The following PDZD8 variants were observed in gnomAD, a reference collection of about 807,000 sequenced individuals.
PDZD8 encodes PDZ domain containing 8.
Under a neutral mutation model 85.8 loss-of-function variants are expected in PDZD8, and 14 were observed. The ratio of observed to expected loss-of-function variants is 0.16; its 90% CI spans 0.11 to 0.26. The LOEUF (loss-of-function observed/expected upper bound fraction) is 0.26. Ranked by LOEUF, PDZD8 falls within the 10% of genes least tolerant of loss-of-function variation. The pLI is 1.00. For missense variants in PDZD8, 1,197 were observed against 1,424.3 expected (o/e 0.84, Z 2.57); for synonymous variants, 592 against 568.6 (o/e 1.04, Z -0.59).
At chr10:117,294,242 A>G (rs1246379185) in intron 3 of PDZD8, among the ~76,000 whole-genome samples, 1 of 152,064 alleles carries the variant, frequency 6.6e-6, no homozygotes, top group African/African-American at 2.4e-5. Context: ...AATGACCAAT[A>G]AAACTGGTAA....
intron 1 of PDZD8, among the ~76,000 whole-genome samples, chr10:117,368,187 G>A (rs950631882): frequency 6.6e-6 from 1 of 152,126 alleles, no homozygotes; most frequent in Non-Finnish European, 1.5e-5. Flanking sequence ...ACTTACTGAA[G>A]ATAAATGACT....
In PDZD8 at chr10:117,280,802, A is replaced by T. The variant is rs1844564714; in HGVS notation, c.*2466T>A. The T allele has an allele frequency of 6.6e-6, 1 of 152,222 alleles. No homozygotes were observed. Among genetic ancestry groups the T allele is most frequent in the Non-Finnish European group, 1.5e-5 (1 of 68,036 alleles). 9.4% of individuals were successfully genotyped at this position (152,222 alleles called of 1,614,324 possible). A position where few individuals can be genotyped will look rare whatever the true frequency, so the allele number is the denominator to read the frequency against. On this transcript the variant is annotated 3_prime_UTR_variant, in exon 5 of 5. Transcript: ENST00000334464. ...TTAAATACTTTTAAAACATGAGTAG[A>T]TTCTTATAAAACCAAAGTTTTGCAT...
intron 3 of PDZD8, among the ~76,000 whole-genome samples, chr10:117,306,098 A>AC (rs1218549220): frequency 2.0e-5 from 3 of 151,790 alleles, no homozygotes; most frequent in African/African-American, 7.3e-5. Flanking sequence ...AATACAAGTG[A>AC]CCCCCCTCAA....
chr10:117,354,019 A>C (rs372157248), intron 1 of PDZD8, among the ~76,000 whole-genome samples: 19 of 152,192 alleles, frequency 1.2e-4, no homozygotes, highest in East Asian at 5.8e-4. Flanking sequence ...TCTTACTGGC[A>C]CCACCAATTT....
At chr10:117,317,645 A>C (rs1844154196) in intron 3 of PDZD8, among the ~76,000 whole-genome samples, 1 of 152,198 alleles carries the variant, frequency 6.6e-6, no homozygotes, top group Non-Finnish European at 1.5e-5. Flanking sequence ...GTAAACGCAA[A>C]AATTTAGCTG....
chr10:117,310,298 T>C (rs561553960), intron 3 of PDZD8, among the ~76,000 whole-genome samples: 12 of 152,276 alleles, frequency 7.9e-5, no homozygotes, highest in African/African-American at 2.4e-4. Flanking sequence ...TTCTCCCTCA[T>C]TGGAACCTCA....
chr10:117,284,976 G>A lies in PDZD8; in HGVS notation c.1757C>T (p.Ala586Val), dbSNP rs762585623. 2.1e-5 allele frequency: 34 copies of A among 1,614,002 alleles called. No homozygotes were observed. The highest frequency in any genetic ancestry group is 2.6e-5 in the Non-Finnish European group (31 of 1,180,024). Residue 586 changes from alanine (A) to valine (V), a missense_variant, in exon 5 of 5, where the codon GCT (alanine) becomes GTT (valine). Around this residue, in one of 4 missense-constraint regions of PDZD8, gnomAD observed 263 missense variants for 261.9 expected, o/e 1.00. Transcript: ENST00000334464. ...TCGTGGTGGCACAGGTGGTTTGAAAGCAGATCCTTGGGTTGGTTTTGACAC... is the reference window on the plus strand; with the variant it reads ...TCGTGGTGGCACAGGTGGTTTGAAAACAGATCCTTGGGTTGGTTTTGACAC... ...AQVSKPTQGS[A>V]FKPPVPPRPQ...
At chr10:117,347,625 T>G (rs915019871) in intron 1 of PDZD8, among the ~76,000 whole-genome samples, 1 of 146,540 alleles carries the variant, frequency 6.8e-6, no homozygotes, top group Non-Finnish European at 1.5e-5. Context: ...TTTTACAGAG[T>G]TTGACTCTTT....
At chr10:117,350,009 C>CAGAGGTAACACCACTATTATTAGT (rs1844776129) in intron 1 of PDZD8, among the ~76,000 whole-genome samples, 1 of 152,062 alleles carries the variant, frequency 6.6e-6, no homozygotes, top group African/African-American at 2.4e-5. Flanking sequence ...TTTAGTAATA[C>CAGAGGTAACACCACTATTATTAGT]AGAGGTAACA....
chr10:117,347,632 CTT>C (rs1357424365), intron 1 of PDZD8, among the ~76,000 whole-genome samples: 2 of 143,558 alleles, frequency 1.4e-5, no homozygotes, highest in African/African-American at 2.7e-5. Flanking sequence ...GAGTTTGACT[CTT>C]TTTGTGGACA....
chr10:117,355,575 A>G (rs1327604163), intron 1 of PDZD8, among the ~76,000 whole-genome samples: 1 of 152,208 alleles, frequency 6.6e-6, no homozygotes, highest in African/African-American at 2.4e-5. Flanking sequence ...TATAACCTTG[A>G]GCAAACTTCT....
intron 2 of PDZD8, among the ~76,000 whole-genome samples, chr10:117,325,682 C>T (rs1262174730): frequency 6.6e-6 from 1 of 152,124 alleles, no homozygotes; most frequent in African/African-American, 2.4e-5. Context: ...AGATTACAGG[C>T]ATGAGCCACC....
At chr10:117,370,918 T>TTGTGTGTGTG (rs71475194) in intron 1 of PDZD8, among the ~76,000 whole-genome samples, 2,650 of 146,424 alleles carry the variant, frequency 0.018, 54 homozygotes, top group East Asian at 0.06. Flanking sequence ...ACAACATAGT[T>TTGTGTGTGTG]TGTGTGTGTG....
At position 117,356,319 on chromosome 10, in the gene PDZD8, A is replaced by T. The variant is rs573588095; in HGVS notation, c.873-15217T>A. ...GTGACATAAAAAAAGAAAAATAAGA[A>T]AAATTTAAAAAGGTAAAACTCAATT... is the stretch of plus-strand genomic sequence containing the variant. On this transcript the variant is annotated intron_variant, in intron 1 of 4. Coordinates refer to ENST00000334464, the MANE Select transcript of PDZD8 (RefSeq NM_173791.5). Among the ~76,000 whole-genome samples, 10 of 152,332 alleles carry T rather than the reference A, an allele frequency of 6.6e-5. No individual in the cohort carries two copies. In the East Asian group the frequency reaches 1.2e-3, roughly 18 times the overall value.
At chr10:117,294,695 A>C (rs1843726657) in intron 3 of PDZD8, among the ~76,000 whole-genome samples, 1 of 152,204 alleles carries the variant, frequency 6.6e-6, no homozygotes, top group Non-Finnish European at 1.5e-5. Context: ...ACCCCAGAGA[A>C]AAGTCATTTA....
At chr10:117,332,877 G>T (rs1021289179) in intron 2 of PDZD8, among the ~76,000 whole-genome samples, 4 of 150,886 alleles carry the variant, frequency 2.7e-5, no homozygotes, top group African/African-American at 9.7e-5. Flanking sequence ...CAGCACTTTG[G>T]GGGGCCAAGG....
At chr10:117,322,567 G>T (rs183210398) in intron 2 of PDZD8, among the ~76,000 whole-genome samples, 20 of 152,114 alleles carry the variant, frequency 1.3e-4, no homozygotes, top group African/African-American at 4.6e-4. Flanking sequence ...TACTGCAGGG[G>T]GCACGAACTC....
intron 2 of PDZD8, among the ~76,000 whole-genome samples, chr10:117,327,681 T>C (rs1355185435): frequency 6.6e-6 from 1 of 152,220 alleles, no homozygotes; most frequent in African/African-American, 2.4e-5. Context: ...CAATCTATAA[T>C]TAAATGTTAT....
chr10:117,370,907 A>G (rs1310463426), intron 1 of PDZD8, among the ~76,000 whole-genome samples: 1 of 130,414 alleles, frequency 7.7e-6, no homozygotes, highest in Non-Finnish European at 1.6e-5. Context: ...ATCACTTAAG[A>G]ACAACATAGT....
Sources: gnomAD v4.1 joint callset for allele counts (sites outside exome capture counted in the v4.1 genomes callset) on GRCh38, gnomAD v4.1.1 for gene constraint, gnomAD v4.1.1 regional missense constraint, MANE v1.5 for transcripts, NCBI Gene and HGNC (gene_info 2026-07-23, HGNC 2026-07-21) for gene names.